RAB30: variants seen among roughly 807,000 people sequenced by gnomAD.
The protein encoded by RAB30 is ras-related protein Rab-30.
RAB30 carries 9 observed loss-of-function variants against 25.1 expected under a neutral mutation model. That is an observed-to-expected ratio of 0.36 (90% CI 0.22 to 0.63). RAB30 has a LOEUF of 0.63. Among genes scored for constraint, RAB30 ranks in the 20% least tolerant of loss-of-function variants. The pLI is 0.69. For synonymous variants in RAB30, 77 were observed against 86.4 expected, an observed-to-expected ratio of 0.89 and a Z score of 0.60; for missense variants, 140 against 243.5, an observed-to-expected ratio of 0.58 and a Z score of 2.83.
At position 83,019,270 on chromosome 11, in the gene RAB30, T is replaced by G. The variant is rs552338269; in HGVS notation, c.-8-21946A>C. 2.4e-4 allele frequency among the ~76,000 whole-genome samples: 37 copies of G among 152,240 alleles called. 1 individual carries two copies. Among genetic ancestry groups the G allele is most frequent in the Non-Finnish European group, 1.6e-4 (11 of 68,012 alleles). Reference sequence around the variant, plus strand: ...CGAACTCCTGACCTCAAGTGATCCGTCTACCTCAGCCTCCCAAAGTGCTGG... The same window carrying G: ...CGAACTCCTGACCTCAAGTGATCCGGCTACCTCAGCCTCCCAAAGTGCTGG... On this transcript the variant is annotated intron_variant, in intron 1 of 4. Transcript: ENST00000527633.
intron 1 of RAB30, among the ~76,000 whole-genome samples, chr11:83,043,389 C>T (rs1258492126): frequency 6.6e-6 from 1 of 152,164 alleles, no homozygotes; most frequent in African/African-American, 2.4e-5. Context: ...AGAAGAACCA[C>T]CCAACTGGCC....
At chr11:83,062,348 C>T (rs997629024) in intron 1 of RAB30, among the ~76,000 whole-genome samples, 1 of 152,188 alleles carries the variant, frequency 6.6e-6, no homozygotes, top group African/African-American at 2.4e-5. Context: ...ATTGAAGACT[C>T]TCATTAAAAG....
intron 1 of RAB30, among the ~76,000 whole-genome samples, chr11:83,047,336 T>C (rs991370848): frequency 8.5e-5 from 13 of 152,174 alleles, no homozygotes; most frequent in African/African-American, 3.1e-4. Context: ...AACAAACCCC[T>C]TGGGCAAATT....
At chr11:83,031,700 T>C (rs537519091) in intron 1 of RAB30, among the ~76,000 whole-genome samples, 104 of 152,256 alleles carry the variant, frequency 6.8e-4, no homozygotes, top group African/African-American at 2.4e-3. Flanking sequence ...GCTAATTTTG[T>C]ATTTTTAGGA....
At chr11:83,066,555 CT>C (rs144579202) in intron 1 of RAB30, among the ~76,000 whole-genome samples, 1 of 151,912 alleles carries the variant, frequency 6.6e-6, no homozygotes, top group Admixed American at 6.6e-5. Flanking sequence ...GTCAAGAATA[CT>C]TTTTTTTGTT....
intron 1 of RAB30, among the ~76,000 whole-genome samples, chr11:83,017,530 C>T (rs758548849): frequency 4.3e-4 from 65 of 151,832 alleles, no homozygotes; most frequent in Non-Finnish European, 6.3e-4. Flanking sequence ...ATCCCTCAGC[C>T]CCCTCCCACC....
In RAB30 at chr11:82,981,320, A is replaced by C. The variant is rs1180526175; in HGVS notation, c.*845T>G. 1 of 152,202 alleles carries C rather than the reference A, an allele frequency of 6.6e-6. No individual in the cohort carries two copies. Among genetic ancestry groups the C allele is most frequent in the African/African-American group, 2.4e-5 (1 of 41,432 alleles). 9.4% of individuals were successfully genotyped at this position (152,202 alleles called of 1,614,324 possible). On this transcript the variant is annotated 3_prime_UTR_variant, in exon 5 of 5. Transcript: ENST00000527633. Reference sequence around the variant, plus strand: ...TTTTGCAAACGTTTTCATTTACATAAAGGGCTGGAGAGACAAGAAAGTGGT... The same window carrying C: ...TTTTGCAAACGTTTTCATTTACATACAGGGCTGGAGAGACAAGAAAGTGGT...
chr11:83,050,838 A>G (rs1375483917), intron 1 of RAB30, among the ~76,000 whole-genome samples: 7 of 152,090 alleles, frequency 4.6e-5, no homozygotes. Context: ...ATGAAATGCA[A>G]TCATTTGGTG....
intron 1 of RAB30, among the ~76,000 whole-genome samples, chr11:83,064,860 G>A (rs1036335880): frequency 6.6e-6 from 1 of 151,788 alleles, no homozygotes; most frequent in African/African-American, 2.4e-5. Flanking sequence ...AAATTTCCCC[G>A]ATTATCCTGA....
At chr11:83,000,010 C>A (rs935796269) in intron 1 of RAB30, among the ~76,000 whole-genome samples, 4 of 152,148 alleles carry the variant, frequency 2.6e-5, no homozygotes, top group Non-Finnish European at 5.9e-5. Context: ...GATCCTAACC[C>A]CTCCCCATCA....
intron 1 of RAB30, among the ~76,000 whole-genome samples, chr11:82,999,946 G>A (rs549143598): frequency 6.6e-6 from 1 of 151,332 alleles, no homozygotes; most frequent in African/African-American, 2.5e-5. Context: ...CTACACACAT[G>A]TACACTCATG....
intron 1 of RAB30, among the ~76,000 whole-genome samples, chr11:83,013,824 A>G (rs1383617418): frequency 6.6e-6 from 1 of 152,254 alleles, no homozygotes; most frequent in Non-Finnish European, 1.5e-5. Flanking sequence ...ACAATAAGCC[A>G]GATACTTAGA....
intron 1 of RAB30, among the ~76,000 whole-genome samples, chr11:83,043,051 G>GC (rs1297935010): frequency 2.6e-5 from 4 of 152,138 alleles, no homozygotes; most frequent in African/African-American, 7.2e-5. Context: ...GATTGTTCAT[G>GC]CCCCTGTATC....
chr11:83,048,199 T>G (rs1338999015), intron 1 of RAB30, among the ~76,000 whole-genome samples: 1 of 151,956 alleles, frequency 6.6e-6, no homozygotes, highest in Non-Finnish European at 1.5e-5. Context: ...GCCTAGAAGG[T>G]TTAAAAAGAA....
intron 1 of RAB30, among the ~76,000 whole-genome samples, chr11:83,014,658 G>GAAAGAAAGAAAGAA (rs1216321161): frequency 7.1e-6 from 1 of 141,794 alleles, no homozygotes; most frequent in Non-Finnish European, 1.5e-5. Flanking sequence ...AAGAAAGAAA[G>GAAAGAAAGAAAGAA]AAAGAAAGAA....
At chr11:83,032,391 TGG>T (rs1857885873) in intron 1 of RAB30, among the ~76,000 whole-genome samples, 1 of 152,238 alleles carries the variant, frequency 6.6e-6, no homozygotes, top group Non-Finnish European at 1.5e-5. Context: ...TCATTATGTC[TGG>T]TGAGGAGGAA....
chr11:83,041,692 T>TA (rs34023989), intron 1 of RAB30: 68 of 146,592 alleles, frequency 4.6e-4, no homozygotes, highest in Admixed American at 1.0e-3. Context: ...TTTATTAAGC[T>TA]AAAAAAAAAA....
At chr11:83,057,547 C>A (rs56311324) in intron 1 of RAB30, among the ~76,000 whole-genome samples, 7,833 of 152,166 alleles carry the variant, frequency 0.051, 291 homozygotes, top group East Asian at 0.1. Flanking sequence ...CTCTCTGCAA[C>A]AAAATCAGAA....
At position 82,975,553 on chromosome 11, in the gene RAB30, T is replaced by C. The variant is rs1489384983; in HGVS notation, c.*6612A>G. 6.6e-6 allele frequency: 1 copy of C among 152,174 alleles called. No homozygotes were observed. Among genetic ancestry groups the C allele is most frequent in the Non-Finnish European group, 1.5e-5 (1 of 68,014 alleles). The allele number at this position is 152,174 out of a possible 1,614,324, so 9.4% of individuals were successfully genotyped here. A position where few individuals can be genotyped will look rare whatever the true frequency, so the allele number is the denominator to read the frequency against. On this transcript the variant is annotated 3_prime_UTR_variant, in exon 5 of 5. Transcript: ENST00000527633. Reference sequence around the variant, plus strand: ...GATGTTGGTAATTATGTACATCAAATAATGTCATATATGAAATTAAAAGCA... The same window carrying C: ...GATGTTGGTAATTATGTACATCAAACAATGTCATATATGAAATTAAAAGCA...
Sources: gnomAD v4.1 joint callset for allele counts (sites outside exome capture counted in the v4.1 genomes callset) on GRCh38, gnomAD v4.1.1 for gene constraint, MANE v1.5 for transcripts, NCBI Gene and HGNC (gene_info 2026-07-23, HGNC 2026-07-21) for gene names.